Variants in SOX5 observed in about 807,000 individuals in gnomAD.
SOX5 encodes the protein transcription factor SOX-5.
A neutral mutation model predicts 92.0 loss-of-function variants in SOX5; 9 were observed. The observed-to-expected ratio is 0.10, with a 90% CI of 0.06 to 0.17. SOX5 has a LOEUF of 0.17. Ranked by LOEUF, SOX5 falls within the 10% of genes least tolerant of loss-of-function variation. The pLI is 1.00. For missense variants in SOX5, 642 were observed against 944.5 expected (o/e 0.68, Z 4.20); for synonymous variants, 344 against 336.3 (o/e 1.02, Z -0.25).
At chr12:24,406,905 GA>G (rs1963085412) in intron 1 of SOX5, among the ~76,000 whole-genome samples, 1 of 152,106 alleles carries the variant, frequency 6.6e-6, no homozygotes, top group Non-Finnish European at 1.5e-5. Flanking sequence ...TTCAAAATAC[GA>G]TTAAAGAAAC....
At position 24,263,527 on chromosome 12, in the gene SOX5, C is replaced by CAAAAAA. The variant is rs386375915; in HGVS notation, c.-77+13683_-77+13688dup. Among the ~76,000 whole-genome samples the CAAAAAA allele has an allele frequency of 4.7e-3, 295 of 63,156 alleles. 36 individuals are homozygous for CAAAAAA. The highest frequency in any genetic ancestry group is 5.0e-3 in the Non-Finnish European group (182 of 36,128). The allele number at this position is 63,156 out of a possible 152,430, so 41.4% of individuals were successfully genotyped here. On this transcript the variant is annotated intron_variant, in intron 3 of 4. Coordinates refer to the SOX5 transcript ENST00000446891. ...TGGGCGACAGAGCGAGACTCCGTCT[C>CAAAAAA]AAAAAAAAAAAAACAAAAAAAAAAA... is the stretch of plus-strand genomic sequence containing the variant.
rs75497646 is a variant in SOX5 at position 23,554,346 on chromosome 12, A to C, written c.1489-7922T>G. ...TGTGGAGATGGTGATTGCTTAAACAAAATTTTTTTGATCAAGTCTCAAAAA... is the reference window on the plus strand; with the variant it reads ...TGTGGAGATGGTGATTGCTTAAACACAATTTTTTTGATCAAGTCTCAAAAA... On this transcript the variant is annotated intron_variant, in intron 11 of 14. Coordinates refer to ENST00000451604, the MANE Select transcript of SOX5 (RefSeq NM_006940.6). Among the ~76,000 whole-genome samples the C allele has an allele frequency of 3.8e-3, 580 of 152,208 alleles. 7 individuals are homozygous for C. Among genetic ancestry groups the C allele is most frequent in the African/African-American group, 0.013 (550 of 41,558 alleles).
chr12:23,770,751 C>T (rs778491018), intron 3 of SOX5, among the ~76,000 whole-genome samples: 2 of 152,090 alleles, frequency 1.3e-5, no homozygotes, highest in African/African-American at 4.8e-5. Flanking sequence ...ATGAACTGGG[C>T]ACTGTAAGAA....
At chr12:23,554,096 A>T (rs1301498302) in intron 11 of SOX5, among the ~76,000 whole-genome samples, 1 of 152,122 alleles carries the variant, frequency 6.6e-6, no homozygotes, top group East Asian at 1.9e-4. Context: ...AGAAAAATAT[A>T]TATTAGAATA....
chr12:24,453,594 A>AT (rs1408654773), intron 1 of SOX5, among the ~76,000 whole-genome samples: 1 of 152,196 alleles, frequency 6.6e-6, no homozygotes, highest in East Asian at 1.9e-4. Flanking sequence ...TTAGACATTC[A>AT]TGGTTAGTAA....
At chr12:24,349,261 A>T (rs981796051) in intron 2 of SOX5, among the ~76,000 whole-genome samples, 3 of 152,216 alleles carry the variant, frequency 2.0e-5, no homozygotes, top group African/African-American at 4.8e-5. Context: ...CTTCCTTTAA[A>T]AAACTGTTCA....
At chr12:24,553,861 T>G (rs996258001) in intron 1 of SOX5, among the ~76,000 whole-genome samples, 1 of 152,224 alleles carries the variant, frequency 6.6e-6, no homozygotes, top group Non-Finnish European at 1.5e-5. Context: ...TGCTGATAGA[T>G]CTCTATCTGT....
rs34474115 is a variant in SOX5, at chr12:23,906,941, CAA to C, written c.39-10919_39-10918del. On this transcript the variant is annotated intron_variant, in intron 1 of 14. Coordinates refer to ENST00000451604, the MANE Select transcript of SOX5 (RefSeq NM_006940.6). The stretch of plus-strand genomic sequence containing the variant: ...GGTTATAGACAGCCGAATAGACAGC[CAA>C]AAAAAAAAAAATACTGTGTGAAATG... Among the ~76,000 whole-genome samples, 147 of 139,422 alleles carry C rather than the reference CAA, an allele frequency of 1.1e-3. 1 individual carries two copies. Among genetic ancestry groups the C allele is most frequent in the African/African-American group, 3.4e-3 (131 of 38,002 alleles). 91.5% of individuals were successfully genotyped at this position (139,422 alleles called of 152,430 possible).
rs1432613595 is a variant in SOX5, at chr12:23,786,967, C to A, written c.482-31243G>T. 2.1e-5 allele frequency among the ~76,000 whole-genome samples: 3 copies of A among 145,252 alleles called. 1 individual carries two copies. The highest frequency in any genetic ancestry group is 7.7e-5 in the African/African-American group (3 of 39,214). ...GTTTACTGTGATCACAGTTGGAGAA[C>A]TATTGATATTACCCACATAGTTGCT... On this transcript the variant is annotated intron_variant, in intron 3 of 14. Transcript: ENST00000451604.
chr12:24,440,211 C>T (rs1466999517), intron 1 of SOX5, among the ~76,000 whole-genome samples: 1 of 152,168 alleles, frequency 6.6e-6, no homozygotes, highest in African/African-American at 2.4e-5. Flanking sequence ...AGAGATTAGC[C>T]TCACACCAGT....
intron 2 of SOX5, among the ~76,000 whole-genome samples, chr12:24,298,569 A>C (rs1218786895): frequency 6.6e-6 from 1 of 152,180 alleles, no homozygotes; most frequent in Non-Finnish European, 1.5e-5. Context: ...CTCAAATACT[A>C]TATTATGTAG....
In SOX5 at chr12:24,468,583, T is replaced by C. The variant is rs191694045; in HGVS notation, c.-251+93746A>G. Among the ~76,000 whole-genome samples the C allele has an allele frequency of 3.8e-3, 577 of 152,276 alleles. 12 individuals are homozygous for C. The highest frequency in any genetic ancestry group is 1.1e-3 in the Non-Finnish European group (73 of 68,014). On this transcript the variant is annotated intron_variant, in intron 1 of 4. Coordinates refer to the SOX5 transcript ENST00000446891. ...CACATGCACTCAGGTTAGAGGGGTT[T>C]AGTCAAACACCGCCCCACAAAGCAA...
At chr12:24,125,170 G>A (rs117034980) in intron 4 of SOX5, among the ~76,000 whole-genome samples, 1,602 of 152,144 alleles carry the variant, frequency 0.011, 8 homozygotes, top group Non-Finnish European at 0.018. Context: ...TATTACATAG[G>A]CCAAACTTTC....
At chr12:24,003,770 T>TTA (rs1330727706) in intron 4 of SOX5, among the ~76,000 whole-genome samples, 1 of 54,376 alleles carries the variant, frequency 1.8e-5, no homozygotes, top group Non-Finnish European at 4.6e-5. Context: ...TGCCAGCAGG[T>TTA]TTTTTTTTTG....
chr12:23,979,440 T>G (rs1453793788), intron 4 of SOX5, among the ~76,000 whole-genome samples: 2 of 151,986 alleles, frequency 1.3e-5, no homozygotes, highest in East Asian at 3.9e-4. Context: ...GTCAGGCTGG[T>G]GTTGAACTCC....
At chr12:24,388,872 T>C (rs1236760551) in intron 1 of SOX5, among the ~76,000 whole-genome samples, 1 of 152,134 alleles carries the variant, frequency 6.6e-6, no homozygotes, top group Admixed American at 6.6e-5. Flanking sequence ...ACAACACGTG[T>C]TCTCTCTTGT....
rs1285103695 is a variant in SOX5 at position 24,110,832 on chromosome 12, C to T, written c.-2+102511G>A. 8.5e-5 allele frequency among the ~76,000 whole-genome samples: 11 copies of T among 128,902 alleles called. No homozygotes were observed. In the Admixed American group the frequency reaches 9.6e-4, roughly 11 times the overall value. The allele number at this position is 128,902 out of a possible 152,430, so 84.6% of individuals were successfully genotyped here. On this transcript the variant is annotated intron_variant, in intron 4 of 4. Transcript: ENST00000446891. ...GGAAGGATGGCGTGAACCCAGGAGG[C>T]GGAGCTTGCAGTGAGTTGAGATCGT... is the stretch of plus-strand genomic sequence containing the variant.
At chr12:23,859,111 C>T (rs755936222) in intron 2 of SOX5, among the ~76,000 whole-genome samples, 1 of 152,028 alleles carries the variant, frequency 6.6e-6, no homozygotes, top group Admixed American at 6.6e-5. Flanking sequence ...AATCAGGGCA[C>T]CCTGAAAAAG....
chr12:24,019,805 C>A (rs1199199810), intron 4 of SOX5, among the ~76,000 whole-genome samples: 1 of 152,148 alleles, frequency 6.6e-6, no homozygotes, highest in Non-Finnish European at 1.5e-5. Flanking sequence ...TGAACTGAAG[C>A]TCCATTTTAC....
Sources: gnomAD v4.1 joint callset for allele counts (sites outside exome capture counted in the v4.1 genomes callset) on GRCh38, gnomAD v4.1.1 for gene constraint, MANE v1.5 for transcripts, NCBI Gene and HGNC (gene_info 2026-07-23, HGNC 2026-07-21) for gene names.